The following PTPRN2 variants were observed in gnomAD, a reference collection of about 807,000 sequenced individuals.
PTPRN2 encodes receptor-type tyrosine-protein phosphatase N2.
PTPRN2 carries 74 observed loss-of-function variants against 118.8 expected under a neutral mutation model. The observed-to-expected ratio is 0.62, with a 90% confidence interval of 0.52 to 0.76. The LOEUF is 0.76. Among genes scored for constraint, PTPRN2 ranks in the 30% least tolerant of loss-of-function variants. The pLI, the probability that PTPRN2 is intolerant of heterozygous loss-of-function variation, is 0.00. For synonymous variants in PTPRN2, 641 were observed against 608.0 expected, an observed-to-expected ratio of 1.05 and a Z score of -0.80; for missense variants, 1,481 against 1,394.4, an observed-to-expected ratio of 1.06 and a Z score of -0.99.
chr7:158,266,894 G>T (rs1323552651), intron 3 of PTPRN2, among the ~76,000 whole-genome samples: 2 of 152,244 alleles, frequency 1.3e-5, no homozygotes, highest in African/African-American at 2.4e-5. Context: ...TGGTGGTTCA[G>T]ATGCCGCTGT....
Position 158,070,717 on chromosome 7 carries a change from T to C in PTPRN2, c.1723+10581A>G, listed in dbSNP as rs190625434. On this transcript the variant is annotated intron_variant, in intron 11 of 22. Transcript: ENST00000389418. ...AGGTGCCCCTGGTGGCGGAGGTGCC[T>C]GTGGTGTGGAGGTGCCCGTGGTGGT... Among the ~76,000 whole-genome samples the C allele has an allele frequency of 7.2e-3, 346 of 47,938 alleles. 14 individuals are homozygous for C. Among genetic ancestry groups the C allele is most frequent in the African/African-American group, 0.029 (290 of 10,148 alleles). 31.4% of individuals were successfully genotyped at this position (47,938 alleles called of 152,430 possible). A position where few individuals can be genotyped will look rare whatever the true frequency, so the allele number is the denominator to read the frequency against.
intron 1 of PTPRN2, among the ~76,000 whole-genome samples, chr7:158,556,254 G>A (rs773468567): frequency 4.6e-5 from 7 of 152,084 alleles, no homozygotes; most frequent in Admixed American, 2.6e-4. Context: ...TGATTGATAC[G>A]TAAAGACAGA....
chr7:158,132,782 C>T (rs1035828561), intron 9 of PTPRN2, among the ~76,000 whole-genome samples: 1 of 151,934 alleles, frequency 6.6e-6, no homozygotes. Flanking sequence ...CCAACACACA[C>T]TCATATACAC....
intron 11 of PTPRN2, among the ~76,000 whole-genome samples, chr7:158,071,373 G>GAGGTGCTCGTGGTGA (rs1811542979): frequency 9.4e-6 from 1 of 106,544 alleles, no homozygotes; most frequent in Admixed American, 8.9e-5. Context: ...GCTCATGGTG[G>GAGGTGCTCGTGGTGA]TGGAGGTGCT....
chr7:157,823,862 C>A (rs1358653588), intron 12 of PTPRN2, among the ~76,000 whole-genome samples: 1 of 152,164 alleles, frequency 6.6e-6, no homozygotes, highest in Non-Finnish European at 1.5e-5. Flanking sequence ...CCCTAACCAG[C>A]CTGTGTCTCT....
intron 11 of PTPRN2, among the ~76,000 whole-genome samples, chr7:157,908,603 G>A (rs921701241): frequency 2.6e-5 from 4 of 152,152 alleles, no homozygotes; most frequent in African/African-American, 4.8e-5. Context: ...ACTTTTCCAC[G>A]TCTGTCGAGA....
At chr7:157,976,500 G>A (rs968162642) in intron 11 of PTPRN2, among the ~76,000 whole-genome samples, 41 of 148,610 alleles carry the variant, frequency 2.8e-4, no homozygotes, top group Admixed American at 1.9e-3. Flanking sequence ...AGAGTTCCCA[G>A]GTTCTCGCCC....
intron 6 of PTPRN2, among the ~76,000 whole-genome samples, chr7:158,146,162 G>C (rs1183258122): frequency 1.3e-5 from 2 of 152,144 alleles, no homozygotes; most frequent in Admixed American, 1.3e-4. Context: ...GAGGAACACA[G>C]TCAGAGAGCC....
intron 12 of PTPRN2, among the ~76,000 whole-genome samples, chr7:157,797,908 G>T (rs901095663): frequency 6.6e-6 from 1 of 152,208 alleles, no homozygotes; most frequent in Middle Eastern, 3.2e-3. Context: ...TGGAGGACTG[G>T]GGACTATGCT....
chr7:158,278,065 GC>G (rs1396204279), intron 3 of PTPRN2, among the ~76,000 whole-genome samples: 2 of 152,198 alleles, frequency 1.3e-5, no homozygotes, highest in Non-Finnish European at 2.9e-5. Context: ...GCCCGGGGTG[GC>G]CGGGGACCAA....
chr7:157,994,469 G>A lies in PTPRN2; in HGVS notation c.1723+86829C>T, dbSNP rs528186925. On this transcript the variant is annotated intron_variant, in intron 11 of 22. Coordinates refer to ENST00000389418, the MANE Select transcript of PTPRN2 (RefSeq NM_002847.5). The stretch of plus-strand genomic sequence containing the variant: ...GATGAATCTGAGGCAGCGTTAGAGC[G>A]AGCGCCTTCCACTTTGGCCCACAGC... Among the ~76,000 whole-genome samples the A allele has an allele frequency of 1.7e-3, 239 of 140,926 alleles. 3 individuals are homozygous for A. Among genetic ancestry groups the A allele is most frequent in the African/African-American group, 5.8e-3 (228 of 39,286 alleles). 92.5% of individuals were successfully genotyped at this position (140,926 alleles called of 152,430 possible).
intron 11 of PTPRN2, among the ~76,000 whole-genome samples, chr7:157,997,086 C>T (rs886259098): frequency 2.0e-5 from 3 of 152,204 alleles, no homozygotes; most frequent in Admixed American, 6.5e-5. Context: ...CCCCAGGTCC[C>T]CTGACGTGGG....
At chr7:157,574,499 GGA>G (rs1176579071) in intron 19 of PTPRN2, 1 of 421,618 alleles carries the variant, frequency 2.4e-6, no homozygotes, top group Non-Finnish European at 5.3e-6. Context: ...CAGCAAGAAG[GGA>G]GAGAGTAATA....
chr7:158,365,809 G>T (rs1809412697), intron 2 of PTPRN2, among the ~76,000 whole-genome samples: 1 of 120,596 alleles, frequency 8.3e-6, no homozygotes. Flanking sequence ...AGCATCCCTG[G>T]GAGAAGCCGC....
intron 2 of PTPRN2, among the ~76,000 whole-genome samples, chr7:158,395,070 G>A (rs1004257790): frequency 6.6e-5 from 10 of 152,170 alleles, no homozygotes; most frequent in African/African-American, 2.2e-4. Flanking sequence ...CCAAGCACGA[G>A]GGACAGTGAC....
intron 9 of PTPRN2, among the ~76,000 whole-genome samples, chr7:158,114,878 C>T (rs1313538265): frequency 6.6e-6 from 1 of 152,152 alleles, no homozygotes; most frequent in African/African-American, 2.4e-5. Flanking sequence ...CCTCGGGTAG[C>T]ACAGTCACTC....
intron 5 of PTPRN2, among the ~76,000 whole-genome samples, chr7:158,178,168 C>T (rs1413505288): frequency 1.3e-5 from 2 of 152,166 alleles, no homozygotes; most frequent in Non-Finnish European, 2.9e-5. Flanking sequence ...CATTTATCCT[C>T]TTTGGTGAAG....
chr7:158,220,634 G>C (rs1196423185), intron 3 of PTPRN2, among the ~76,000 whole-genome samples: 1 of 151,862 alleles, frequency 6.6e-6, no homozygotes, highest in African/African-American at 2.4e-5. Context: ...TGTACAAAAA[G>C]AATAAAATAC....
chr7:158,573,807 C>T (rs553668606), intron 1 of PTPRN2, among the ~76,000 whole-genome samples: 4 of 152,278 alleles, frequency 2.6e-5, no homozygotes, highest in East Asian at 1.9e-4. Context: ...TGGAGCCCCA[C>T]GAGACCCCAC....
Sources: gnomAD v4.1 joint callset for allele counts (sites outside exome capture counted in the v4.1 genomes callset) on GRCh38, gnomAD v4.1.1 for gene constraint, MANE v1.5 for transcripts, NCBI Gene and HGNC (gene_info 2026-07-23, HGNC 2026-07-21) for gene names.